MROH7: variants seen among roughly 807,000 people sequenced by gnomAD.
MROH7 encodes maestro heat like repeat family member 7.
In MROH7, 113 loss-of-function variants were observed where a neutral mutation model predicts 129.2. The ratio of observed to expected loss-of-function variants is 0.87; its 90% CI spans 0.75 to 1.02. The LOEUF is 1.02. Among genes scored for constraint, MROH7 ranks in the 50% least tolerant of loss-of-function variants. The pLI is 0.00. For synonymous variants in MROH7, 655 were observed against 667.9 expected (o/e 0.98, Z 0.30); for missense variants, 1,601 against 1,671.3 (o/e 0.96, Z 0.73).
At position 54,653,334 on chromosome 1, in the gene MROH7, C is replaced by G. The variant is rs1644588619; in HGVS notation, c.408C>G (p.Ala136=). 1 of 1,614,126 alleles carries G rather than the reference C, an allele frequency of 6.2e-7. No homozygotes were observed. Among genetic ancestry groups the G allele is most frequent in the Non-Finnish European group, 8.5e-7 (1 of 1,180,026 alleles). ...TTCTGAGCCCTAGCTCTACTGAGGC[C>G]CCTCGTCTGAGCTCTGGGAACCACC... The part of the protein sequence containing the change: ...NPILSPSSTE[A]PRLSSGNHPQ... The change falls in exon 3 of 24, where the codon GCC becomes GCG. Residue 136 remains alanine (A), a synonymous_variant. Transcript: ENST00000421030.
At chr1:54,682,972 T>C (rs1249070684) in intron 14 of MROH7, among the ~76,000 whole-genome samples, 178 bp downstream of exon 14, 1 of 152,192 alleles carries the variant, frequency 6.6e-6, no homozygotes, top group African/African-American at 2.4e-5. Flanking sequence ...ACAATAACAG[T>C]AGTGTTGTCT....
In MROH7 at chr1:54,654,049, G is replaced by A; in HGVS notation, c.1123G>A (p.Glu375Lys). Residue 375 changes from glutamate to lysine, a missense_variant, in exon 3 of 24, where the codon GAG becomes AAG. By Grantham distance (56) the Glu-to-Lys change is moderately conservative. Transcript: ENST00000421030. ...IHTVPLEENL[E>K]SWSEMASIKV... The stretch of plus-strand genomic sequence containing the variant: ...CACTGTGCCCCTGGAGGAGAATCTG[G>A]AGAGTTGGAGTGAGATGGCCAGCAT... The A allele has an allele frequency of 6.2e-7, 1 of 1,614,214 alleles. No homozygotes were observed. Among genetic ancestry groups the A allele is most frequent in the Non-Finnish European group, 8.5e-7 (1 of 1,180,036 alleles).
At position 54,653,775 on chromosome 1, in the gene MROH7, C is replaced by T; in HGVS notation, c.849C>T (p.His283=). 2 of 1,614,204 alleles carry T rather than the reference C, an allele frequency of 1.2e-6. No individual in the cohort carries two copies. The highest frequency in any genetic ancestry group is 1.1e-5 in the South Asian group (1 of 91,084). The change falls in exon 3 of 24, where the codon CAC becomes CAT. Residue 283 remains histidine (H), a synonymous_variant. Transcript: ENST00000421030. The stretch of plus-strand genomic sequence containing the variant: ...CCATGAATGTGGCTTCCAGCGGCCA[C>T]TCCAGATCTGATTTGAGCGTGACCA... The part of the protein sequence containing the change: ...KETMNVASSG[H]SRSDLSVTIT...
At chr1:54,702,804 T>A in intron 21 of MROH7, 59 bp downstream of exon 21, 1 of 1,535,650 alleles carries the variant, frequency 6.5e-7, no homozygotes, top group Non-Finnish European at 8.8e-7. Flanking sequence ...TGGCGAATTC[T>A]GTGTCTCTCT....
intron 1 of MROH7, among the ~76,000 whole-genome samples, chr1:54,650,985 A>G (rs1195186126): frequency 6.6e-6 from 1 of 152,128 alleles, no homozygotes; most frequent in Admixed American, 6.6e-5. Context: ...TCCGCCTTCC[A>G]AAGTTCTGGG....
chr1:54,699,123 T>TTTCTTTCTTTCTTTCTTTC (rs1557726854), intron 17 of MROH7: 1 of 90,556 alleles, frequency 1.1e-5, no homozygotes, highest in East Asian at 3.0e-4. Context: ...TCTTTCTTTC[T>TTTCTTTCTTTCTTTCTTTC]TTCTTTCTTT....
At chr1:54,677,582 T>C (rs979928391) in intron 10 of MROH7, among the ~76,000 whole-genome samples, 22 of 152,168 alleles carry the variant, frequency 1.4e-4, no homozygotes, top group Non-Finnish European at 2.8e-4. Flanking sequence ...TGAACCTGAG[T>C]TGGCCTGACT....
At chr1:54,678,598 T>A in intron 10 of MROH7, 144 bp from the exon 11 acceptor site, 2 of 610,842 alleles carry the variant, frequency 3.3e-6, no homozygotes, top group Non-Finnish European at 5.9e-6. Context: ...ACGTTCTGCT[T>A]CTTGACTTGG....
chr1:54,678,955 G>T (rs1053317290), intron 11 of MROH7, 101 bp downstream of exon 11: 7 of 974,154 alleles, frequency 7.2e-6, no homozygotes, highest in Non-Finnish European at 1.1e-5. Flanking sequence ...TCCAGGCTTT[G>T]CAGGACGCCT....
chr1:54,699,094 T>TGCCTTTCTTTTTTTTTCTTTCTTTC (rs1553176859), intron 17 of MROH7: 2 of 98,230 alleles, frequency 2.0e-5, no homozygotes, highest in African/African-American at 8.4e-5. Context: ...TTGCCTGGCC[T>TGCCTTTCTTTTTTTTTCTTTCTTTC]TTTCTTTCTT....
At chr1:54,680,519 G>A (rs192310727) in intron 13 of MROH7, among the ~76,000 whole-genome samples, 34 of 152,342 alleles carry the variant, frequency 2.2e-4, no homozygotes, top group African/African-American at 6.7e-4. Flanking sequence ...TCCCACCCCA[G>A]GTGGGTGGTC....
intron 17 of MROH7, 36 bp from the exon 18 acceptor site, chr1:54,700,285 C>A (rs200417275): frequency 6.2e-7 from 1 of 1,613,596 alleles, no homozygotes; most frequent in African/African-American, 1.3e-5. Flanking sequence ...CCCTGCCCCC[C>A]TCAGCCTGGG....
At chr1:54,700,224 T>C (rs1031191437) in intron 17 of MROH7, 97 bp from the exon 18 acceptor site, 28 of 1,520,160 alleles carry the variant, frequency 1.8e-5, no homozygotes, top group Non-Finnish European at 2.5e-5. Context: ...CGGGCAGAGC[T>C]GAGCCTGGTA....
chr1:54,663,503 G>A (rs1234685260), intron 3 of MROH7, among the ~76,000 whole-genome samples: 1 of 151,976 alleles, frequency 6.6e-6, no homozygotes, highest in African/African-American at 2.4e-5. Flanking sequence ...CTCCCTAGTA[G>A]CTGTGATTAT....
In MROH7 at chr1:54,701,328, G is replaced by A. The variant is rs1645432836; in HGVS notation, c.3285+6G>A. 1.3e-6 allele frequency: 2 copies of A among 1,581,484 alleles called. No individual in the cohort carries two copies. The highest frequency in any genetic ancestry group is 1.7e-6 in the Non-Finnish European group (2 of 1,160,752). On this transcript the variant is annotated splice_donor_region_variant and intron_variant, in intron 19 of 23. Transcript: ENST00000421030. ...TGCTGCCGCACTTCAGCGACGTGAG[G>A]ACCTCACAGAGCGAAGGAGCAGGAG...
At chr1:54,662,597 TAA>T (rs1436273539) in intron 3 of MROH7, among the ~76,000 whole-genome samples, 2 of 151,926 alleles carry the variant, frequency 1.3e-5, no homozygotes, top group Non-Finnish European at 2.9e-5. Flanking sequence ...CATTTCAGAA[TAA>T]GTTTCCAAAT....
chr1:54,649,768 G>A (rs1010112717), intron 1 of MROH7, among the ~76,000 whole-genome samples: 7 of 152,316 alleles, frequency 4.6e-5, no homozygotes, highest in East Asian at 3.9e-4. Context: ...GTTTACACAC[G>A]GGTGGCAGAG....
chr1:54,663,727 C>A (rs1326783891), intron 3 of MROH7: 1 of 424,780 alleles, frequency 2.4e-6, no homozygotes. Flanking sequence ...CTTTTGTGTC[C>A]CTTTGACATT....
Position 54,679,452 on chromosome 1 carries a change from G to A in MROH7, c.2226+13G>A. ...GGCGCTGGAGGTGGTAAGGCCTCCT[G>A]GGGGCAGGGAGTGAACTGTCACTGG... On this transcript the variant is annotated intron_variant, in intron 12 of 23. Coordinates refer to ENST00000421030, the MANE Select transcript of MROH7 (RefSeq NM_001039464.4). The A allele has an allele frequency of 6.2e-7, 1 of 1,609,872 alleles. No individual in the cohort carries two copies. The highest frequency in any genetic ancestry group is 8.5e-7 in the Non-Finnish European group (1 of 1,177,472).
Sources: allele counts gnomAD v4.1 joint callset (sites outside exome capture counted in the v4.1 genomes callset), GRCh38; gene constraint gnomAD v4.1.1; transcripts MANE v1.5; gene names NCBI Gene and HGNC (gene_info 2026-07-23, HGNC 2026-07-21).